RFK: variants seen among roughly 807,000 people sequenced by gnomAD.
RFK encodes riboflavin kinase, also known as 0610038L10Rik.
Under a neutral mutation model 17.6 loss-of-function variants are expected in RFK, and 4 were observed. That is an observed-to-expected ratio of 0.23 (90% CI 0.11 to 0.52). The LOEUF (loss-of-function observed/expected upper bound fraction) is 0.52. RFK is among the 20% of genes least tolerant of loss of function. The pLI is 0.96. For missense variants in RFK, 189 were observed against 187.7 expected (o/e 1.01, Z -0.04); for synonymous variants, 59 against 63.8 (o/e 0.92, Z 0.36).
intron 2 of RFK, among the ~76,000 whole-genome samples, chr9:76,388,948 GTATCT>G (rs1201089425): frequency 6.6e-6 from 1 of 152,158 alleles, no homozygotes; most frequent in Non-Finnish European, 1.5e-5. Context: ...AAGGAAGTAA[GTATCT>G]TATCAAGGTG....
At chr9:76,389,693 G>A (rs951807290) in intron 2 of RFK, among the ~76,000 whole-genome samples, 11 of 152,014 alleles carry the variant, frequency 7.2e-5, no homozygotes, top group African/African-American at 2.2e-4. Flanking sequence ...CCCAGGAGGC[G>A]GAGGTTGCAG....
chr9:76,390,362 T>C (rs963430928), intron 2 of RFK, among the ~76,000 whole-genome samples: 1 of 152,104 alleles, frequency 6.6e-6, no homozygotes, highest in African/African-American at 2.4e-5. Flanking sequence ...AACTGGATTG[T>C]ATTAAAATTA....
In RFK at chr9:76,387,391, AT is replaced by A; in HGVS notation, c.*7del. On this transcript the variant is annotated 3_prime_UTR_variant, in exon 4 of 4. Transcript: ENST00000376736. ...AAACAGTGAATGAATAAATAATACA[AT>A]TTTTCATCAGTGGCCATTCATTATT... 6.2e-7 allele frequency: 1 copy of A among 1,600,924 alleles called. No homozygotes were observed.
intron 1 of RFK, among the ~76,000 whole-genome samples, chr9:76,392,869 A>T (rs982349234): frequency 3.9e-5 from 6 of 152,192 alleles, no homozygotes; most frequent in Non-Finnish European, 8.8e-5. Context: ...CTACCACTGC[A>T]CTCCAGCCTG....
intron 2 of RFK, among the ~76,000 whole-genome samples, chr9:76,390,727 C>T (rs1017505844): frequency 2.8e-5 from 2 of 71,390 alleles, no homozygotes; most frequent in African/African-American, 8.4e-5. Context: ...AAAAAAAAAC[C>T]ACACACACAC....
intron 2 of RFK, among the ~76,000 whole-genome samples, chr9:76,388,963 G>A (rs536631575): frequency 1.0e-3 from 153 of 152,242 alleles, no homozygotes; most frequent in South Asian, 1.7e-3. Context: ...TTATCAAGGT[G>A]AGAAAACAGG....
intron 1 of RFK, chr9:76,393,816 G>C: frequency 2.0e-6 from 1 of 492,626 alleles, no homozygotes; most frequent in South Asian, 2.9e-5. Context: ...TGGCCAAGGA[G>C]GCGTGAACGG....
At chr9:76,388,166 A>C in intron 3 of RFK, 1 of 440,906 alleles carries the variant, frequency 2.3e-6, no homozygotes, top group Non-Finnish European at 4.5e-6. Context: ...AAACTATCAC[A>C]CTACACTAAT....
rs1822722902 is a variant in RFK, at chr9:76,385,931, AT to A, written c.*1467del. Reference sequence around the variant, plus strand: ...ATAAAAAGCAAAACGCAATCCAACTATTTATATGAGTCCCTCTTCTCCAACA... The same window carrying A: ...ATAAAAAGCAAAACGCAATCCAACTATTATATGAGTCCCTCTTCTCCAACA... On this transcript the variant is annotated 3_prime_UTR_variant, in exon 4 of 4. Coordinates refer to ENST00000376736, the MANE Select transcript of RFK (RefSeq NM_018339.6). The A allele has an allele frequency of 6.6e-6, 1 of 152,232 alleles. No homozygotes were observed. Among genetic ancestry groups the A allele is most frequent in the Admixed American group, 6.5e-5 (1 of 15,278 alleles). 9.4% of individuals were successfully genotyped at this position (152,232 alleles called of 1,614,324 possible). A position where few individuals can be genotyped will look rare whatever the true frequency, so the allele number is the denominator to read the frequency against.
chr9:76,391,406 C>A (rs1822819230), intron 2 of RFK, among the ~76,000 whole-genome samples: 1 of 152,084 alleles, frequency 6.6e-6, no homozygotes, highest in African/African-American at 2.4e-5. Context: ...AAAAGTATAC[C>A]CTCAGGTGGT....
At position 76,394,228 on chromosome 9, in the gene RFK, C is replaced by T. The variant is rs779655454; in HGVS notation, c.-57G>A. Reference sequence around the variant, plus strand: ...CCGGTCTGCGCGTCCTGCGGAGCCGCCGTCGACGCGGCGCCCAGACCCCGG... The same window carrying T: ...CCGGTCTGCGCGTCCTGCGGAGCCGTCGTCGACGCGGCGCCCAGACCCCGG... On this transcript the variant is annotated 5_prime_UTR_variant, in exon 1 of 4. Transcript: ENST00000376736. 18 of 1,519,196 alleles carry T rather than the reference C, an allele frequency of 1.2e-5. No individual in the cohort carries two copies. The highest frequency in any genetic ancestry group is 1.5e-5 in the Non-Finnish European group (17 of 1,127,590). 94.1% of individuals were successfully genotyped at this position (1,519,196 alleles called of 1,614,324 possible).
Position 76,387,408 on chromosome 9 carries a change from A to C in RFK, c.459T>G (p.Asn153Lys). 6.2e-7 allele frequency: 1 copy of C among 1,606,430 alleles called. No individual in the cohort carries two copies. The highest frequency in any genetic ancestry group is 8.5e-7 in the Non-Finnish European group (1 of 1,176,760). ...ATAATACAATTTTTCATCAGTGGCC[A>C]TTCATTATTTTGCTTTTAGAAACCT... ...FFQVSKSKIM[N>K]GH The change falls in exon 4 of 4, where the codon AAT becomes AAG. Residue 153 changes from asparagine to lysine, a missense_variant. Transcript: ENST00000376736.
rs1587389578 is a variant in RFK, at chr9:76,386,046, T to C, written c.*1353A>G. 1 of 152,204 alleles carries C rather than the reference T, an allele frequency of 6.6e-6. No individual in the cohort carries two copies. Among genetic ancestry groups the C allele is most frequent in the Non-Finnish European group, 1.5e-5 (1 of 68,044 alleles). 9.4% of individuals were successfully genotyped at this position (152,204 alleles called of 1,614,324 possible). A position where few individuals can be genotyped will look rare whatever the true frequency, so the allele number is the denominator to read the frequency against. On this transcript the variant is annotated 3_prime_UTR_variant, in exon 4 of 4. Coordinates refer to ENST00000376736, the MANE Select transcript of RFK (RefSeq NM_018339.6). ...ATTTATGCAGATTAGGGGAAAATGA[T>C]TCATAATAAATTAACTTTAAAATTA...
chr9:76,394,426 T>C lies in RFK; in HGVS notation c.-255A>G, dbSNP rs978464150. ...GGGCAGCGGAGACAGCCGAAGTAAG[T>C]GCCGGGTGTGAGCGGGGTGGGGGGA... On this transcript the variant is annotated 5_prime_UTR_variant, in exon 1 of 4. Transcript: ENST00000376736. The C allele has an allele frequency of 3.7e-5, 13 of 353,896 alleles. No individual in the cohort carries two copies. The highest frequency in any genetic ancestry group is 5.1e-5 in the Admixed American group (1 of 19,742). The allele number at this position is 353,896 out of a possible 1,614,324, so 21.9% of individuals were successfully genotyped here.
chr9:76,389,871 C>T (rs762282315), intron 2 of RFK, among the ~76,000 whole-genome samples: 4 of 152,116 alleles, frequency 2.6e-5, no homozygotes, highest in Non-Finnish European at 5.9e-5. Flanking sequence ...AAGTAATCTA[C>T]GAATTCAATG....
At chr9:76,391,803 C>G (rs528810719) in intron 2 of RFK, among the ~76,000 whole-genome samples, 1 of 152,136 alleles carries the variant, frequency 6.6e-6, no homozygotes, top group African/African-American at 2.4e-5. Context: ...GTGGCATGTA[C>G]CTATAGTCCC....
At position 76,385,670 on chromosome 9, in the gene RFK, C is replaced by T. The variant is rs1378061990; in HGVS notation, c.*1729G>A. On this transcript the variant is annotated 3_prime_UTR_variant, in exon 4 of 4. Coordinates refer to ENST00000376736, the MANE Select transcript of RFK (RefSeq NM_018339.6). Reference sequence around the variant, plus strand: ...CCCCTAAACAACACACTATCTGATTCTCAAAAGCAATGGCTATTTAACAAG... The same window carrying T: ...CCCCTAAACAACACACTATCTGATTTTCAAAAGCAATGGCTATTTAACAAG... 6.6e-6 allele frequency: 1 copy of T among 152,154 alleles called. No homozygotes were observed. The highest frequency in any genetic ancestry group is 1.5e-5 in the Non-Finnish European group (1 of 68,036). 9.4% of individuals were successfully genotyped at this position (152,154 alleles called of 1,614,324 possible).
intron 1 of RFK, among the ~76,000 whole-genome samples, chr9:76,393,227 G>A (rs1462036264): frequency 7.2e-6 from 1 of 139,216 alleles, no homozygotes; most frequent in African/African-American, 2.7e-5. Flanking sequence ...TTTTTTTTGA[G>A]ACGGTGTCTC....
intron 1 of RFK, chr9:76,393,860 T>TCAC: frequency 3.8e-6 from 2 of 520,104 alleles, no homozygotes; most frequent in East Asian, 6.7e-5. Context: ...CTTCCGGCCC[T>TCAC]CACCACCCCT....
Sources: allele counts gnomAD v4.1 joint callset (sites outside exome capture counted in the v4.1 genomes callset), GRCh38; gene constraint gnomAD v4.1.1; transcripts MANE v1.5; gene names NCBI Gene and HGNC (gene_info 2026-07-23, HGNC 2026-07-21).